Variants in SLCO3A1 observed in about 807,000 individuals in gnomAD.
SLCO3A1 encodes PGE1 transporter.
Under a neutral mutation model 63.1 loss-of-function variants are expected in SLCO3A1, and 27 were observed. The observed-to-expected ratio is 0.43, with a 90% CI of 0.32 to 0.59. The LOEUF (loss-of-function observed/expected upper bound fraction) is 0.59. SLCO3A1 is among the 20% of genes least tolerant of loss of function. The pLI, the probability that SLCO3A1 is intolerant of heterozygous loss-of-function variation, is 0.09. For synonymous variants in SLCO3A1, 473 were observed against 409.9 expected (o/e 1.15, Z -1.86); for missense variants, 773 against 945.8 (o/e 0.82, Z 2.40).
At chr15:92,120,700 C>A in intron 5 of SLCO3A1, 71 bp downstream of exon 5, 1 of 1,363,644 alleles carries the variant, frequency 7.3e-7, no homozygotes, top group Non-Finnish European at 1.0e-6. Context: ...TAAAAATTTA[C>A]TGAGCCCTGC....
At chr15:92,045,788 T>A (rs1417197198) in intron 2 of SLCO3A1, among the ~76,000 whole-genome samples, 2 of 152,196 alleles carry the variant, frequency 1.3e-5, no homozygotes, top group African/African-American at 4.8e-5. Flanking sequence ...ACTCAGTATT[T>A]CCCTTTCTCA....
At chr15:92,009,029 G>C (rs961382294) in intron 2 of SLCO3A1, among the ~76,000 whole-genome samples, 2 of 152,152 alleles carry the variant, frequency 1.3e-5, no homozygotes, top group African/African-American at 4.8e-5. Context: ...TATTACTTCT[G>C]ACATGTTCTT....
At chr15:91,962,158 G>A (rs1308970749) in intron 2 of SLCO3A1, among the ~76,000 whole-genome samples, 1 of 152,164 alleles carries the variant, frequency 6.6e-6, no homozygotes, top group Non-Finnish European at 1.5e-5. Flanking sequence ...GGTAGCATAT[G>A]AGGCAGTGAC....
chr15:92,046,233 G>C (rs894226201), intron 2 of SLCO3A1, among the ~76,000 whole-genome samples: 1 of 152,022 alleles, frequency 6.6e-6, no homozygotes, highest in African/African-American at 2.4e-5. Context: ...AGTTATTGTC[G>C]GCTGGGCGTG....
chr15:91,874,076 A>G (rs2151336836), intron 1 of SLCO3A1, among the ~76,000 whole-genome samples: 1 of 152,304 alleles, frequency 6.6e-6, no homozygotes, highest in South Asian at 2.1e-4. Flanking sequence ...TAAATGCTAT[A>G]TATGATATGG....
chr15:91,928,842 C>T (rs538794842), intron 2 of SLCO3A1, among the ~76,000 whole-genome samples: 114 of 152,316 alleles, frequency 7.5e-4, no homozygotes, highest in African/African-American at 2.6e-3. Context: ...ACTCACCAGA[C>T]GGTTTTGTTT....
chr15:91,917,435 A>G (rs1898699122), intron 2 of SLCO3A1, among the ~76,000 whole-genome samples: 2 of 152,294 alleles, frequency 1.3e-5, no homozygotes, highest in Admixed American at 6.5e-5. Flanking sequence ...GCTTGCTGAG[A>G]TAGGATGGTT....
At chr15:92,096,498 GA>G (rs929411331) in intron 3 of SLCO3A1, among the ~76,000 whole-genome samples, 33 of 152,134 alleles carry the variant, frequency 2.2e-4, no homozygotes, top group African/African-American at 7.2e-4. Flanking sequence ...GTCTGAAAAG[GA>G]ACACTATATT....
rs747357449 is a variant in SLCO3A1 at position 92,162,839 on chromosome 15, G to T, written c.1837G>T (p.Ala613Ser). 63 of 1,614,070 alleles carry T rather than the reference G, an allele frequency of 3.9e-5. No homozygotes were observed. Among genetic ancestry groups the T allele is most frequent in the Non-Finnish European group, 4.7e-5 (56 of 1,180,050 alleles). Residue 613 changes from alanine to serine, a missense_variant, in exon 10 of 10, where the codon GCC becomes TCC. By Grantham distance (99) the Ala-to-Ser change is moderately conservative (BLOSUM62 1). Around this residue, in one of 3 missense-constraint regions of SLCO3A1, gnomAD observed 139 missense variants for 131.4 expected, o/e 1.06. Transcript: ENST00000318445. Reference protein sequence around the residue: ...FWSTFCGEQGACVLYDNVVYR... With the variant: ...FWSTFCGEQGSCVLYDNVVYR... The stretch of plus-strand genomic sequence containing the variant: ...GAGCACGTTCTGTGGGGAGCAAGGC[G>T]CCTGCGTCCTCTACGACAATGTGGT...
intron 7 of SLCO3A1, among the ~76,000 whole-genome samples, chr15:92,143,954 C>T (rs918194458): frequency 2.6e-5 from 4 of 152,180 alleles, no homozygotes; most frequent in Admixed American, 2.6e-4. Context: ...ACGTGGCCTG[C>T]AGCAGCCAGG....
intron 2 of SLCO3A1, among the ~76,000 whole-genome samples, chr15:91,997,773 T>A (rs1264350600): frequency 6.6e-6 from 1 of 152,204 alleles, no homozygotes; most frequent in African/African-American, 2.4e-5. Context: ...GACTCCTTAT[T>A]CAATAAATGG....
At position 91,853,876 on chromosome 15, in the gene SLCO3A1, A is replaced by AGCGGCGGCG. The variant is rs368016879; in HGVS notation, c.-16_-8dup. 135 of 1,294,744 alleles carry AGCGGCGGCG rather than the reference A, an allele frequency of 1.0e-4. No homozygotes were observed. The highest frequency in any genetic ancestry group is 4.4e-4 in the South Asian group (20 of 45,532). 80.2% of individuals were successfully genotyped at this position (1,294,744 alleles called of 1,614,324 possible). A position where few individuals can be genotyped will look rare whatever the true frequency, so the allele number is the denominator to read the frequency against. ...CACCCGGGGCGAGCGGGAAAGCGGC[A>AGCGGCGGCG]GCGGCGGCGGCGGCGGCGGCGGCGG... On this transcript the variant is annotated 5_prime_UTR_variant, in exon 1 of 10. Transcript: ENST00000318445.
intron 1 of SLCO3A1, among the ~76,000 whole-genome samples, chr15:91,884,067 C>T (rs1004053413): frequency 9.9e-5 from 15 of 152,154 alleles, no homozygotes; most frequent in African/African-American, 3.6e-4. Context: ...ATAAGGTTTT[C>T]CTATGGATTA....
At chr15:92,105,951 T>C (rs914059155) in intron 4 of SLCO3A1, among the ~76,000 whole-genome samples, 6 of 152,220 alleles carry the variant, frequency 3.9e-5, no homozygotes, top group Non-Finnish European at 7.3e-5. Flanking sequence ...GGAGAGAAGC[T>C]TGAACTGCTT....
chr15:91,973,705 A>C (rs1186207724), intron 2 of SLCO3A1, among the ~76,000 whole-genome samples: 2 of 152,114 alleles, frequency 1.3e-5, no homozygotes, highest in Non-Finnish European at 2.9e-5. Flanking sequence ...ACTGGCATCT[A>C]GTGGGGAGAG....
intron 3 of SLCO3A1, among the ~76,000 whole-genome samples, chr15:92,098,664 C>CA (rs2047568553): frequency 6.6e-6 from 1 of 152,182 alleles, no homozygotes; most frequent in African/African-American, 2.4e-5. Flanking sequence ...ATTGGAGCCT[C>CA]AGCACATTCT....
chr15:92,166,048 G>GT (rs1212007901), downstream of SLCO3A1: 7 of 331,956 alleles, frequency 2.1e-5, no homozygotes, highest in Non-Finnish European at 1.7e-5. Context: ...GTTTTGTTTT[G>GT]TTTTTTGTTT....
At chr15:92,109,919 C>T (rs754547100) in intron 4 of SLCO3A1, among the ~76,000 whole-genome samples, 5 of 152,078 alleles carry the variant, frequency 3.3e-5, no homozygotes, top group African/African-American at 7.2e-5. Context: ...CTTAGATTCC[C>T]GTGGCTGGGC....
chr15:92,132,102 A>G (rs945298339), intron 7 of SLCO3A1, among the ~76,000 whole-genome samples: 3 of 145,182 alleles, frequency 2.1e-5, no homozygotes, highest in African/African-American at 7.5e-5. Flanking sequence ...GGGTAATACC[A>G]TTCTCTTGTT....
Sources: allele counts gnomAD v4.1 joint callset (sites outside exome capture counted in the v4.1 genomes callset), GRCh38; gene constraint gnomAD v4.1.1; regional missense constraint gnomAD v4.1.1; transcripts MANE v1.5; gene names NCBI Gene and HGNC (gene_info 2026-07-23, HGNC 2026-07-21).